Variants in BAIAP3 observed in about 807,000 individuals in gnomAD.
BAIAP3 encodes BAI1-associated protein 3.
BAIAP3 carries 180 observed loss-of-function variants against 149.7 expected under a neutral mutation model. The ratio of observed to expected loss-of-function variants is 1.20; its 90% confidence interval spans 1.07 to 1.36. The LOEUF is 1.36. BAIAP3 is among the 40% of genes most tolerant of loss of function. The pLI, the probability that BAIAP3 is intolerant of heterozygous loss-of-function variation, is 0.00. For synonymous variants in BAIAP3, 845 were observed against 670.7 expected (o/e 1.26, Z -4.02); for missense variants, 1,767 against 1,563.4 (o/e 1.13, Z -2.20).
intron 1 of BAIAP3, chr16:1,336,545 C>T (rs1012496322): frequency 3.9e-5 from 11 of 280,414 alleles, no homozygotes; most frequent in South Asian, 1.4e-4. Flanking sequence ...ACGAGATATC[C>T]GGGAATGGTG....
At chr16:1,335,667 G>A (rs552841291) in intron 1 of BAIAP3, among the ~76,000 whole-genome samples, 3 of 152,286 alleles carry the variant, frequency 2.0e-5, no homozygotes, top group South Asian at 2.1e-4. Flanking sequence ...GGTTTCCAGG[G>A]GAACCAAAGG....
intron 1 of BAIAP3, chr16:1,334,635 A>G (rs1217947329): frequency 8.4e-6 from 13 of 1,541,816 alleles, no homozygotes; most frequent in Admixed American, 3.9e-5. Flanking sequence ...CGCTTGTTAG[A>G]ATGCAGATTC....
At chr16:1,336,310 G>A (rs893503911) in intron 1 of BAIAP3, 2 of 985,440 alleles carry the variant, frequency 2.0e-6, no homozygotes, top group Non-Finnish European at 1.2e-6. Flanking sequence ...GGGGGTGACA[G>A]CTTCCAGAAG....
At position 1,343,014 on chromosome 16, in the gene BAIAP3, G is replaced by A. The variant is rs1241942189; in HGVS notation, c.1263G>A (p.Val421=). 1.2e-6 allele frequency: 2 copies of A among 1,607,490 alleles called. No homozygotes were observed. Among genetic ancestry groups the A allele is most frequent in the Non-Finnish European group, 1.7e-6 (2 of 1,179,612 alleles). Residue 421 remains valine (V), a splice_region_variant and synonymous_variant, in exon 14 of 34, where the codon GTG becomes GTA. Coordinates refer to ENST00000426824, the MANE Select transcript of BAIAP3 (RefSeq NM_001199097.2). Reference sequence around the variant, plus strand: ...ACCTGTCACCCTTGCAGCTGGCCGTGCTGTGAGTGGGTGGAGCTACGAGTG... The same window carrying A: ...ACCTGTCACCCTTGCAGCTGGCCGTACTGTGAGTGGGTGGAGCTACGAGTG... ...QSNLSPLQLA[V]LHWQVSSRHH... is the part of the protein sequence containing the mutation.
chr16:1,343,313 G>C, intron 14 of BAIAP3, 80 bp from the exon 15 acceptor site: 2 of 1,521,246 alleles, frequency 1.3e-6, no homozygotes, highest in Non-Finnish European at 1.8e-6. Flanking sequence ...GGCAGAGAAA[G>C]GGGTAGTGCT....
At chr16:1,341,801 G>T in intron 8 of BAIAP3, 21 bp from the exon 9 acceptor site, 1 of 1,610,422 alleles carries the variant, frequency 6.2e-7, no homozygotes, top group Non-Finnish European at 8.5e-7. Flanking sequence ...ACCCTCATGG[G>T]CATCTCTGTT....
At position 1,343,396 on chromosome 16, in the gene BAIAP3, C is replaced by A; in HGVS notation, c.1269C>A (p.His423Gln). 6.4e-7 allele frequency: 1 copy of A among 1,570,960 alleles called. No homozygotes were observed. Among genetic ancestry groups the A allele is most frequent in the South Asian group, 1.2e-5 (1 of 86,122 alleles). The change falls in exon 15 of 34, where the codon CAC becomes CAA. Residue 423 changes from histidine (H) to glutamine (Q), a missense_variant. By Grantham distance (24) the His-to-Gln change is conservative. Coordinates refer to ENST00000426824, the MANE Select transcript of BAIAP3 (RefSeq NM_001199097.2). ...GACCATGGGCCGGGCCCCACAGGCA[C>A]TGGCAGGTCAGCAGCCGCCACCATC... Reference protein sequence around the residue: ...NLSPLQLAVLHWQVSSRHHQT... With the variant: ...NLSPLQLAVLQWQVSSRHHQT...
rs2034211381 is a variant in BAIAP3 at position 1,344,976 on chromosome 16, A to G, written c.1817A>G (p.Glu606Gly). 1 of 1,613,062 alleles carries G rather than the reference A, an allele frequency of 6.2e-7. No homozygotes were observed. The highest frequency in any genetic ancestry group is 2.2e-5 in the East Asian group (1 of 44,880). ...TFRQLERLVA[E>G]EAWVLTEELS... The stretch of plus-strand genomic sequence containing the variant: ...TCCTGCTGTCCCGGACAGGTGGCTG[A>G]GGAGGCGTGGGTGCTGACGGAGGAG... Residue 606 changes from glutamate to glycine, a missense_variant, in exon 21 of 34, where the codon GAG becomes GGG. By Grantham distance (98) the Glu-to-Gly change is moderately conservative. Transcript: ENST00000426824.
At position 1,341,434 on chromosome 16, in the gene BAIAP3, G is replaced by C. The variant is rs773168499; in HGVS notation, c.676G>C (p.Val226Leu). Residue 226 changes from valine to leucine, a missense_variant, in exon 8 of 34, where the codon GTC becomes CTC. Coordinates refer to ENST00000426824, the MANE Select transcript of BAIAP3 (RefSeq NM_001199097.2). ...ACCCCTGCCTGCCAAGTGCATCCAG[G>C]TCACCGAGGTGAAGAGCAGCACCCT... is the stretch of plus-strand genomic sequence containing the variant. ...GGPLPAKCIQ[V>L]TEVKSSTLNP... 9 of 1,612,540 alleles carry C rather than the reference G, an allele frequency of 5.6e-6. No individual in the cohort carries two copies. Among genetic ancestry groups the C allele is most frequent in the Admixed American group, 1.7e-5 (1 of 60,006 alleles).
intron 3 of BAIAP3, 25 bp downstream of exon 3, chr16:1,339,014 G>A (rs548032708): frequency 4.5e-5 from 72 of 1,611,918 alleles, no homozygotes; most frequent in South Asian, 3.1e-4. Context: ...CCCAGGGCCC[G>A]ATACCACAGC....
chr16:1,336,230 C>T (rs1037116595), intron 1 of BAIAP3: 106 of 985,276 alleles, frequency 1.1e-4, no homozygotes, highest in Non-Finnish European at 1.3e-4. Context: ...GGAGCAGCCT[C>T]TTCCACCCAG....
chr16:1,346,523 G>T lies in BAIAP3; in HGVS notation c.2562+13G>T, dbSNP rs1425077336. 1 of 1,605,240 alleles carries T rather than the reference G, an allele frequency of 6.2e-7. No homozygotes were observed. Among genetic ancestry groups the T allele is most frequent in the African/African-American group, 1.3e-5 (1 of 74,946 alleles). On this transcript the variant is annotated intron_variant, in intron 26 of 33. Coordinates refer to ENST00000426824, the MANE Select transcript of BAIAP3 (RefSeq NM_001199097.2). ...CCAGAACGATGAGGTGAGTGCCGGG[G>T]CGAGGGGCCGTGGAGGACTGTGTGT...
rs766962853 is a variant in BAIAP3 at position 1,349,358 on chromosome 16, G to C, written c.*876G>C. 1.3e-6 allele frequency: 2 copies of C among 1,535,660 alleles called. No individual in the cohort carries two copies. The highest frequency in any genetic ancestry group is 4.5e-5 in the East Asian group (2 of 44,500). On this transcript the variant is annotated 3_prime_UTR_variant, in exon 34 of 34. Transcript: ENST00000426824. ...CTGCCAGCAGCCGCAAAGAGCCGAGGCTGCCAGGCCCATTTATGTCCCTCA... is the reference window on the plus strand; with the variant it reads ...CTGCCAGCAGCCGCAAAGAGCCGAGCCTGCCAGGCCCATTTATGTCCCTCA...
Position 1,341,298 on chromosome 16 carries a change from C to CA in BAIAP3, c.541dup (p.Ser181LysfsTer67), listed in dbSNP as rs2033907059. On this transcript the variant is annotated frameshift_variant, in exon 8 of 34. Coordinates refer to ENST00000426824, the MANE Select transcript of BAIAP3 (RefSeq NM_001199097.2). LOFTEE classifies it high-confidence loss of function. Reference sequence around the variant, plus strand: ...TGAGACGCCTGCCGTGCCCAGGCTTCAGCGACCCATACTGCATGCTGGGCA... The same window carrying CA: ...TGAGACGCCTGCCGTGCCCAGGCTTCAAGCGACCCATACTGCATGCTGGGCA... 1.9e-6 allele frequency: 3 copies of CA among 1,608,168 alleles called. No individual in the cohort carries two copies. Among genetic ancestry groups the CA allele is most frequent in the South Asian group, 2.2e-5 (2 of 90,942 alleles).
intron 5 of BAIAP3, among the ~76,000 whole-genome samples, chr16:1,340,281 GACAC>G (rs775583742): frequency 5.9e-5 from 7 of 118,692 alleles, no homozygotes; most frequent in Admixed American, 1.9e-4. Flanking sequence ...GGTGCACACA[GACAC>G]ACACACAGGC....
Position 1,346,030 on chromosome 16 carries a change from G to C in BAIAP3, c.2253G>C (p.Lys751Asn). The C allele has an allele frequency of 6.2e-7, 1 of 1,611,792 alleles. No individual in the cohort carries two copies. Among genetic ancestry groups the C allele is most frequent in the Non-Finnish European group, 8.5e-7 (1 of 1,179,608 alleles). Residue 751 changes from lysine to asparagine, a missense_variant, in exon 24 of 34, where the codon AAG becomes AAC. By Grantham distance (94) the Lys-to-Asn change is moderately conservative. Transcript: ENST00000426824. ...ATLFYTELLR[K>N]KVDTQPGAAG... ...TCTTCTATACGGAGCTGCTTCGGAA[G>C]AAGGTGGACACTCAGCCAGGGGCGG... is the stretch of plus-strand genomic sequence containing the variant.
rs2033915894 is a variant in BAIAP3 at position 1,341,391 on chromosome 16, G to A, written c.633G>A (p.Lys211=). The A allele has an allele frequency of 1.2e-6, 2 of 1,612,614 alleles. No homozygotes were observed. Among genetic ancestry groups the A allele is most frequent in the Non-Finnish European group, 1.7e-6 (2 of 1,179,906 alleles). ...AGGAGCAGCGCTTCGGCTTCCGCAAGGGCAGCAAGCGCGGTGGACCCCTGC... is the reference window on the plus strand; with the variant it reads ...AGGAGCAGCGCTTCGGCTTCCGCAAAGGCAGCAAGCGCGGTGGACCCCTGC... ...AQKEQRFGFR[K]GSKRGGPLPA... is the part of the protein sequence containing the mutation. Residue 211 remains lysine (K), a synonymous_variant, in exon 8 of 34, where the codon AAG becomes AAA. Coordinates refer to ENST00000426824, the MANE Select transcript of BAIAP3 (RefSeq NM_001199097.2).
chr16:1,342,126 G>T, intron 10 of BAIAP3, 55 bp from the exon 11 acceptor site: 4 of 1,568,390 alleles, frequency 2.6e-6, no homozygotes, highest in Non-Finnish European at 3.5e-6. Context: ...GGGGCCCGGC[G>T]GGCAGTGGCT....
chr16:1,341,805 C>T lies in BAIAP3; in HGVS notation c.732-17C>T, dbSNP rs1326047422. On this transcript the variant is annotated splice_polypyrimidine_tract_variant and intron_variant, in intron 8 of 33. Transcript: ENST00000426824. ...CCTCGCCGGGGACCCTCATGGGCAT[C>T]TCTGTTCTCCTTGTAGCGAGATTGA... 1.9e-6 allele frequency: 3 copies of T among 1,611,368 alleles called. No homozygotes were observed. Among genetic ancestry groups the T allele is most frequent in the South Asian group, 2.2e-5 (2 of 90,858 alleles).
Sources: gnomAD v4.1 joint callset for allele counts (sites outside exome capture counted in the v4.1 genomes callset) on GRCh38, gnomAD v4.1.1 for gene constraint, MANE v1.5 for transcripts, NCBI Gene and HGNC (gene_info 2026-07-23, HGNC 2026-07-21) for gene names.